The following CHIA variants were observed in gnomAD, a reference collection of about 807,000 sequenced individuals.
CHIA encodes the protein chitinase acidic.
CHIA carries 47 observed loss-of-function variants against 53.5 expected under a neutral mutation model. The ratio of observed to expected loss-of-function variants is 0.88; its 90% CI spans 0.70 to 1.12. The LOEUF is 1.12. Ranked by LOEUF, CHIA falls within the 50% of genes most tolerant of loss-of-function variation. The probability of loss-of-function intolerance (pLI) is 0.00; values close to 1 mark genes in which losing one functional copy is unlikely to be tolerated. For synonymous variants in CHIA, 268 were observed against 222.2 expected (o/e 1.21, Z -1.83); for missense variants, 652 against 592.2 (o/e 1.10, Z -1.05).
At chr1:111,306,464 T>C (rs1020802319) in intron 1 of CHIA, among the ~76,000 whole-genome samples, 3 of 152,068 alleles carry the variant, frequency 2.0e-5, no homozygotes, top group African/African-American at 4.8e-5. Context: ...TTTGATAAAT[T>C]AAGAGCTCAA....
chr1:111,302,591 G>A (rs927797193), intron 1 of CHIA, among the ~76,000 whole-genome samples: 7 of 151,992 alleles, frequency 4.6e-5, no homozygotes, highest in Admixed American at 6.5e-5. Context: ...CTAACTTCAC[G>A]TCCTTTGTGG....
At chr1:111,291,303 C>T (rs925039809) in intron 1 of CHIA, among the ~76,000 whole-genome samples, 1 of 152,146 alleles carries the variant, frequency 6.6e-6, no homozygotes, top group Non-Finnish European at 1.5e-5. Flanking sequence ...AAATGTGGTA[C>T]ATATACATCA....
intron 8 of CHIA, 140 bp downstream of exon 8, chr1:111,318,249 T>C (rs1649335911): frequency 9.7e-7 from 1 of 1,028,012 alleles, no homozygotes; most frequent in Non-Finnish European, 1.4e-6. Flanking sequence ...AATATTCTCA[T>C]TTAATTTCAC....
intron 1 of CHIA, among the ~76,000 whole-genome samples, chr1:111,300,885 A>C (rs1647666772): frequency 6.6e-6 from 1 of 152,166 alleles, no homozygotes; most frequent in Non-Finnish European, 1.5e-5. Flanking sequence ...AATTTACAAG[A>C]AAAAAACAAA....
Position 111,315,407 on chromosome 1 carries a change from A to C in CHIA, c.452A>C (p.Asp151Ala), listed in dbSNP as rs1031632611. The change falls in exon 6 of 12, where the codon GAC becomes GCC. Residue 151 changes from aspartate to alanine, a missense_variant. By Grantham distance (126) the Asp-to-Ala change is moderately radical (BLOSUM62 -2). Coordinates refer to ENST00000369740, the MANE Select transcript of CHIA (RefSeq NM_201653.4). ...GGCTCTCGTGGGAGCCCTCCTCAGG[A>C]CAAGCATCTCTTCACTGTCCTGGTG... ...YPGSRGSPPQ[D>A]KHLFTVLVQE... 1 of 1,613,940 alleles carries C rather than the reference A, an allele frequency of 6.2e-7. No homozygotes were observed. Among genetic ancestry groups the C allele is most frequent in the African/African-American group, 1.3e-5 (1 of 74,896 alleles).
chr1:111,300,776 C>T (rs905643672), intron 1 of CHIA, among the ~76,000 whole-genome samples: 3 of 152,106 alleles, frequency 2.0e-5, no homozygotes, highest in Non-Finnish European at 2.9e-5. Flanking sequence ...AAAGAAACTA[C>T]TATCAGAGTG....
At chr1:111,319,027 C>T in intron 9 of CHIA, 93 bp from the exon 10 acceptor site, 1 of 1,477,644 alleles carries the variant, frequency 6.8e-7, no homozygotes, top group Non-Finnish European at 9.0e-7. Context: ...GAGCAAAACC[C>T]CAACTGGAGA....
chr1:111,319,850 G>C (rs1348279715), intron 11 of CHIA, among the ~76,000 whole-genome samples: 2 of 152,206 alleles, frequency 1.3e-5, no homozygotes, highest in Admixed American at 6.5e-5. Flanking sequence ...CAGTGATTCA[G>C]GGGATGTATC....
At position 111,318,481 on chromosome 1, in the gene CHIA, C is replaced by G. The variant is rs774442934; in HGVS notation, c.730-12C>G. 2 of 1,608,572 alleles carry G rather than the reference C, an allele frequency of 1.2e-6. No homozygotes were observed. The highest frequency in any genetic ancestry group is 2.2e-5 in the South Asian group (2 of 90,258). On this transcript the variant is annotated splice_polypyrimidine_tract_variant and intron_variant, in intron 8 of 11. Coordinates refer to ENST00000369740, the MANE Select transcript of CHIA (RefSeq NM_201653.4). ...CTGGTTGGGCCATGTAACTAACCCACTGACATTGCAGGATTATGTCATGAA... is the reference window on the plus strand; with the variant it reads ...CTGGTTGGGCCATGTAACTAACCCAGTGACATTGCAGGATTATGTCATGAA...
chr1:111,312,932 TTAACA>T lies in CHIA; in HGVS notation c.257+545_257+549del. ...TCTTTCTGTGCCTGGTTTATCTCACTTAACATAATATCCTCCAGGTTTATCCATAT... is the reference window on the plus strand; with the variant it reads ...TCTTTCTGTGCCTGGTTTATCTCACTTAATATCCTCCAGGTTTATCCATAT... On this transcript the variant is annotated intron_variant, in intron 4 of 11. Coordinates refer to ENST00000369740, the MANE Select transcript of CHIA (RefSeq NM_201653.4). Among the ~76,000 whole-genome samples, 3 of 152,302 alleles carry T rather than the reference TTAACA, an allele frequency of 2.0e-5. No individual in the cohort carries two copies. In the South Asian group the frequency reaches 6.2e-4, roughly 32 times the overall value.
chr1:111,310,498 T>A lies in CHIA; in HGVS notation c.25+6T>A. ...AAAGCTTATTCTCCTCACAGGTGGG[T>A]TTGTAATCAGAGATTGACCCTTCAT... On this transcript the variant is annotated splice_donor_region_variant and intron_variant, in intron 2 of 11. Transcript: ENST00000369740. 1 of 1,614,182 alleles carries A rather than the reference T, an allele frequency of 6.2e-7. No individual in the cohort carries two copies. The highest frequency in any genetic ancestry group is 8.5e-7 in the Non-Finnish European group (1 of 1,180,020).
chr1:111,313,013 A>G (rs1282408306), intron 4 of CHIA, among the ~76,000 whole-genome samples: 2 of 139,244 alleles, frequency 1.4e-5, no homozygotes, highest in Non-Finnish European at 3.4e-5. Flanking sequence ...AATAGTATTC[A>G]TTGTATATAA....
intron 3 of CHIA, 88 bp downstream of exon 3, chr1:111,311,806 G>C: frequency 7.2e-7 from 1 of 1,389,504 alleles, no homozygotes; most frequent in South Asian, 1.2e-5. Flanking sequence ...TTGCTTCACA[G>C]ACAGATGGGT....
intron 1 of CHIA, among the ~76,000 whole-genome samples, chr1:111,299,818 A>G (rs1005407729): frequency 6.6e-6 from 1 of 152,228 alleles, no homozygotes; most frequent in African/African-American, 2.4e-5. Context: ...ACATGATTGT[A>G]TATTTAGAAA....
intron 1 of CHIA, among the ~76,000 whole-genome samples, chr1:111,309,669 G>T (rs1318692977): frequency 1.3e-5 from 2 of 152,132 alleles, no homozygotes; most frequent in African/African-American, 4.8e-5. Context: ...ATAGAACAAT[G>T]GTAGTGAATT....
At chr1:111,293,779 G>A (rs928175942) in intron 1 of CHIA, among the ~76,000 whole-genome samples, 9 of 152,076 alleles carry the variant, frequency 5.9e-5, no homozygotes, top group African/African-American at 2.2e-4. Context: ...GTTAGAAAAT[G>A]GCCCAAAAAC....
At chr1:111,312,413 A>C in intron 4 of CHIA, 22 bp downstream of exon 4, 1 of 1,580,040 alleles carries the variant, frequency 6.3e-7, no homozygotes, top group Non-Finnish European at 8.7e-7. Context: ...GAGATATTTA[A>C]TTTGGCATCC....
At chr1:111,312,896 T>C (rs1040496252) in intron 4 of CHIA, among the ~76,000 whole-genome samples, 3 of 151,496 alleles carry the variant, frequency 2.0e-5, no homozygotes, top group Non-Finnish European at 4.4e-5. Flanking sequence ...AGTGAGATCA[T>C]GTGGTATATG....
At chr1:111,296,633 G>T (rs973902088) in intron 1 of CHIA, among the ~76,000 whole-genome samples, 1 of 152,212 alleles carries the variant, frequency 6.6e-6, no homozygotes, top group African/African-American at 2.4e-5. Context: ...GAGCAGAAAA[G>T]CTGAAAATTC....
Sources: gnomAD v4.1 joint callset for allele counts (sites outside exome capture counted in the v4.1 genomes callset) on GRCh38, gnomAD v4.1.1 for gene constraint, MANE v1.5 for transcripts, NCBI Gene and HGNC (gene_info 2026-07-23, HGNC 2026-07-21) for gene names.